The following RNF166 variants were observed in gnomAD, a reference collection of about 807,000 sequenced individuals.
The protein encoded by RNF166 is E3 ubiquitin-protein ligase RNF166.
A neutral mutation model predicts 29.4 loss-of-function variants in RNF166; 19 were observed. The observed-to-expected ratio is 0.65, with a 90% CI of 0.45 to 0.95. RNF166 has a LOEUF of 0.95. RNF166 is among the 40% of genes least tolerant of loss of function. The pLI is 0.00. For missense variants in RNF166, 347 were observed against 322.1 expected (o/e 1.08, Z -0.59); for synonymous variants, 171 against 134.5 (o/e 1.27, Z -1.88).
At chr16:88,703,432 G>C in intron 1 of RNF166, 4 of 985,492 alleles carry the variant, frequency 4.1e-6, no homozygotes, top group Non-Finnish European at 4.8e-6. Flanking sequence ...GGTTGGCTGG[G>C]AGGAAGACAG....
intron 1 of RNF166, chr16:88,703,686 A>C: frequency 1.0e-6 from 1 of 985,444 alleles, no homozygotes; most frequent in Non-Finnish European, 1.2e-6. Context: ...GCAGCTTCTC[A>C]GCTGAAGGAA....
intron 4 of RNF166, 81 bp downstream of exon 4, chr16:88,698,890 C>T (rs1040266641): frequency 4.6e-5 from 54 of 1,167,288 alleles, no homozygotes; most frequent in East Asian, 2.8e-4. Context: ...CCGGACTCGC[C>T]GCGAGCAGGC....
intron 5 of RNF166, 41 bp downstream of exon 5, chr16:88,698,461 G>A: frequency 6.9e-7 from 1 of 1,458,718 alleles, no homozygotes; most frequent in Non-Finnish European, 9.4e-7. Context: ...GAGGGTGGAT[G>A]AGGAGGGCGT....
At chr16:88,701,490 C>A in intron 1 of RNF166, 72 bp from the exon 2 acceptor site, 1 of 1,401,526 alleles carries the variant, frequency 7.1e-7, no homozygotes. Context: ...GCTCGGGGCC[C>A]TTCTTAGGAC....
chr16:88,706,068 G>A (rs1910765628), intron 1 of RNF166, 103 bp downstream of exon 1: 4 of 773,940 alleles, frequency 5.2e-6, no homozygotes, highest in Non-Finnish European at 4.7e-6. Flanking sequence ...CCGAGTCCCC[G>A]CGCGCCCAGT....
chr16:88,702,517 C>T (rs1259507478), intron 1 of RNF166, among the ~76,000 whole-genome samples: 2 of 152,206 alleles, frequency 1.3e-5, no homozygotes, highest in Non-Finnish European at 2.9e-5. Context: ...GAGATTTCCA[C>T]ATCCCTCAAG....
chr16:88,698,340 A>C, intron 5 of RNF166, 162 bp downstream of exon 5: 1 of 722,806 alleles, frequency 1.4e-6, no homozygotes, highest in Non-Finnish European at 2.5e-6. Context: ...CCCCACCTGC[A>C]GGCAGCCCCC....
At chr16:88,698,122 C>T (rs1909816263) in intron 5 of RNF166, 3 of 587,806 alleles carry the variant, frequency 5.1e-6, no homozygotes, top group South Asian at 2.0e-5. Flanking sequence ...GTGCCTGACC[C>T]GCGGCGGGTG....
In RNF166 at chr16:88,697,279, C is replaced by T. The variant is rs578126650; in HGVS notation, c.*289G>A. The T allele has an allele frequency of 1.5e-3, 448 of 298,812 alleles. 3 individuals carry two copies. The highest frequency in any genetic ancestry group is 8.8e-3 in the African/African-American group (401 of 45,550). 18.5% of individuals were successfully genotyped at this position (298,812 alleles called of 1,614,324 possible). On this transcript the variant is annotated 3_prime_UTR_variant, in exon 6 of 6. Coordinates refer to ENST00000312838, the MANE Select transcript of RNF166 (RefSeq NM_178841.4). ...GGGTATCATGGCTTTGAAGAGACGG[C>T]GGCAGCTCCAGGTCCCAGCGTCCAG... is the stretch of plus-strand genomic sequence containing the variant.
In RNF166 at chr16:88,706,295, C is replaced by T. The variant is rs560668387; in HGVS notation, c.31G>A (p.Ala11Thr). The T allele has an allele frequency of 9.4e-6, 12 of 1,276,942 alleles. No individual in the cohort carries two copies. The South Asian group carries it at 1.3e-4, about 14-fold the overall frequency. 79.1% of individuals were successfully genotyped at this position (1,276,942 alleles called of 1,614,324 possible). MAMFRSLVAS[A>T]QQRQPPAGPA... Reference sequence around the variant, plus strand: ...CCGGCCGGCGGCTGCCGCTGCTGAGCCGAGGCCACCAGGCTGCGGAACATA... The same window carrying T: ...CCGGCCGGCGGCTGCCGCTGCTGAGTCGAGGCCACCAGGCTGCGGAACATA... Residue 11 changes from alanine to threonine, a missense_variant, in exon 1 of 6, where the codon GCT (alanine) becomes ACT (threonine). Transcript: ENST00000312838.
intron 3 of RNF166, among the ~76,000 whole-genome samples, chr16:88,699,384 C>T (rs938289747): frequency 1.3e-5 from 2 of 152,344 alleles, no homozygotes; most frequent in South Asian, 2.1e-4. Context: ...GCCCGGCCTG[C>T]GCCCTCCTCC....
rs1000689997 is a variant in RNF166, at chr16:88,701,174, G to C, written c.312+88C>G. On this transcript the variant is annotated intron_variant, in intron 2 of 5. Coordinates refer to ENST00000312838, the MANE Select transcript of RNF166 (RefSeq NM_178841.4). ...GATTACTCAACAGGAAAGAGAGAGG[G>C]CCCCGGCCCCCACCCTCTGCAGAAC... 2.0e-6 allele frequency: 3 copies of C among 1,521,204 alleles called. No homozygotes were observed. The African/African-American group carries it at 4.1e-5, about 21-fold the overall frequency. The allele number at this position is 1,521,204 out of a possible 1,614,324, so 94.2% of individuals were successfully genotyped here.
At position 88,699,098 on chromosome 16, in the gene RNF166, G is replaced by A. The variant is rs1470217361; in HGVS notation, c.426-13C>T. On this transcript the variant is annotated splice_polypyrimidine_tract_variant and intron_variant, in intron 3 of 5. Coordinates refer to ENST00000312838, the MANE Select transcript of RNF166 (RefSeq NM_178841.4). ...GTTGGGGATGTTGCTGGCGGGGCGGGGGTAGAGTGAGTGGCACGGCTAGGT... is the reference window on the plus strand; with the variant it reads ...GTTGGGGATGTTGCTGGCGGGGCGGAGGTAGAGTGAGTGGCACGGCTAGGT... 1.3e-6 allele frequency: 2 copies of A among 1,569,268 alleles called. No homozygotes were observed. Among genetic ancestry groups the A allele is most frequent in the South Asian group, 1.1e-5 (1 of 87,888 alleles).
At chr16:88,705,729 G>A (rs1181770974) in intron 1 of RNF166, among the ~76,000 whole-genome samples, 5 of 152,258 alleles carry the variant, frequency 3.3e-5, no homozygotes, top group Non-Finnish European at 5.9e-5. Flanking sequence ...AGTCAAAACA[G>A]GCAGACAGCG....
chr16:88,700,943 G>C, intron 2 of RNF166: 2 of 1,195,820 alleles, frequency 1.7e-6, no homozygotes, highest in Non-Finnish European at 2.1e-6. Context: ...GGGGAAGGCT[G>C]CATTGGGAAG....
chr16:88,705,365 T>C (rs981688189), intron 1 of RNF166, among the ~76,000 whole-genome samples: 1 of 152,190 alleles, frequency 6.6e-6, no homozygotes, highest in Admixed American at 6.5e-5. Flanking sequence ...GCTCTCTCTC[T>C]CCCCTGCCAC....
rs145516855 is a variant in RNF166 at position 88,699,060 on chromosome 16, C to A, written c.451G>T (p.Ala151Ser). Reference sequence around the variant, plus strand: ...TTGCGGGCACCACAGTACGGGCAGGCGAAGGTGGACCTGTTGGGGATGTTG... The same window carrying A: ...TTGCGGGCACCACAGTACGGGCAGGAGAAGGTGGACCTGTTGGGGATGTTG... ...PSNIPNRSTF[A>S]CPYCGARNLD... Residue 151 changes from alanine (A) to serine (S), a missense_variant, in exon 4 of 6, where the codon GCC becomes TCC. Ala to Ser is a moderately conservative substitution (Grantham distance 99). Coordinates refer to ENST00000312838, the MANE Select transcript of RNF166 (RefSeq NM_178841.4). The A allele has an allele frequency of 2.5e-6, 4 of 1,610,082 alleles. No homozygotes were observed. The highest frequency in any genetic ancestry group is 3.4e-6 in the Non-Finnish European group (4 of 1,178,564).
intron 1 of RNF166, 37 bp downstream of exon 1, chr16:88,706,134 G>A (rs1910775462): frequency 8.8e-7 from 1 of 1,134,812 alleles, no homozygotes; most frequent in African/African-American, 1.7e-5. Context: ...GGCGGGGCAC[G>A]GCCCCCTCCC....
chr16:88,698,333 C>G, intron 5 of RNF166, 169 bp downstream of exon 5: 1 of 717,358 alleles, frequency 1.4e-6, no homozygotes, highest in East Asian at 2.7e-5. Flanking sequence ...CATCACTCCC[C>G]ACCTGCAGGC....
Sources: gnomAD v4.1 joint callset for allele counts (sites outside exome capture counted in the v4.1 genomes callset) on GRCh38, gnomAD v4.1.1 for gene constraint, MANE v1.5 for transcripts, NCBI Gene and HGNC (gene_info 2026-07-23, HGNC 2026-07-21) for gene names.